Variants in KDM6A observed in about 807,000 individuals in gnomAD.
The protein encoded by KDM6A is lysine demethylase 6A, also known as lysine-specific demethylase 6A.
KDM6A carries 11 observed loss-of-function variants against 117.6 expected under a neutral mutation model. The ratio of observed to expected loss-of-function variants is 0.09; its 90% CI spans 0.06 to 0.15. The LOEUF (loss-of-function observed/expected upper bound fraction) is 0.15, where lower values mean the gene tolerates loss of function less well. Ranked by LOEUF, KDM6A falls within the 10% of genes least tolerant of loss-of-function variation. The pLI is 1.00. For missense variants in KDM6A, 799 were observed against 1,077.3 expected (o/e 0.74, Z 3.62); for synonymous variants, 384 against 396.1 (o/e 0.97, Z 0.36).
Position 44,873,377 on chromosome X carries a change from C to T in KDM6A, c.-175C>T. 1.4e-6 allele frequency: 1 copy of T among 702,980 alleles called. No homozygotes were observed. Among genetic ancestry groups the T allele is most frequent in the Non-Finnish European group, 2.1e-6 (1 of 487,672 alleles). 57.9% of individuals were successfully genotyped at this position (702,980 alleles called of 1,213,427 possible). A position where few individuals can be genotyped will look rare whatever the true frequency, so the allele number is the denominator to read the frequency against. ...GGGGGCTCCGCAGCCCCTGCCGCCG[C>T]CGCCGCCGCCTTCACCGCCGCCGCG... On this transcript the variant is annotated 5_prime_UTR_variant, in exon 1 of 30. Transcript: ENST00000611820.
chrX:44,992,459 C>A (rs192061380), intron 4 of KDM6A, among the ~76,000 whole-genome samples: 1 of 109,079 alleles, frequency 9.2e-6, no homozygotes, highest in East Asian at 2.9e-4. Context: ...CCCAGCCTCA[C>A]GTGATCTGCC....
intron 6 of KDM6A, among the ~76,000 whole-genome samples, chrX:45,033,572 T>A (rs889389424): frequency 9.0e-5 from 10 of 110,837 alleles, no homozygotes; most frequent in Non-Finnish European, 1.3e-4. Flanking sequence ...ATTTTATTTT[T>A]TTTGAGGTGG....
chrX:45,035,026 G>A (rs754378965), intron 7 of KDM6A, 41 bp downstream of exon 7: 20 of 967,595 alleles, frequency 2.1e-5, no homozygotes, highest in South Asian at 1.9e-5. Flanking sequence ...CATGTATTCC[G>A]ATCACTTCAT....
chrX:45,058,545 GTT>G (rs1430866710), intron 10 of KDM6A, among the ~76,000 whole-genome samples: 2 of 110,785 alleles, frequency 1.8e-5, no homozygotes, highest in African/African-American at 6.6e-5. Context: ...TGCCCTCAGT[GTT>G]GTTACTTGGG....
chrX:45,038,805 G>A (rs751193628), intron 8 of KDM6A, among the ~76,000 whole-genome samples: 6 of 111,268 alleles, frequency 5.4e-5, no homozygotes, highest in African/African-American at 2.0e-4. Flanking sequence ...TTAGGCAGTG[G>A]TATGGAAAAT....
intron 2 of KDM6A, 62 bp downstream of exon 2, chrX:44,874,049 G>A (rs1177061021): frequency 3.8e-6 from 4 of 1,065,279 alleles, no homozygotes; most frequent in Non-Finnish European, 5.2e-6. Context: ...CGCTCGCCCC[G>A]GGCCCCGCGG....
At chrX:45,038,254 G>C (rs1449628197) in intron 8 of KDM6A, among the ~76,000 whole-genome samples, 2 of 111,467 alleles carry the variant, frequency 1.8e-5, no homozygotes, top group Non-Finnish European at 3.8e-5. Flanking sequence ...ACTTGATGTA[G>C]ATCATTTGCA....
rs189563712 is a variant in KDM6A, at chrX:45,007,650, G to A, written c.385-3311G>A. Among the ~76,000 whole-genome samples, 604 of 112,116 alleles carry A rather than the reference G, an allele frequency of 5.4e-3. 9 individuals carry two copies. Among genetic ancestry groups the A allele is most frequent in the African/African-American group, 0.016 (498 of 30,807 alleles). On this transcript the variant is annotated intron_variant, in intron 4 of 29. Coordinates refer to ENST00000611820, the MANE Select transcript of KDM6A (RefSeq NM_001291415.2). ...TTGGGCATCTACTCTATGGAAGTGC[G>A]CCCTGTGCTAGGTGATAACAAGGAA...
At chrX:45,069,046 AT>A (rs1425947564) in intron 17 of KDM6A, among the ~76,000 whole-genome samples, 2 of 111,158 alleles carry the variant, frequency 1.8e-5, no homozygotes, top group Admixed American at 9.7e-5. Flanking sequence ...AACTTTAGGT[AT>A]TTTTTGAAAT....
chrX:45,091,551 A>G (rs1461854621), intron 27 of KDM6A, among the ~76,000 whole-genome samples: 1 of 111,953 alleles, frequency 8.9e-6, no homozygotes, highest in African/African-American at 3.2e-5. Flanking sequence ...ATGGGAAATG[A>G]TAGATTAAAG....
rs6529 is a variant in KDM6A at position 44,873,639 on chromosome X, G to A, written c.88G>A (p.Ala30Thr). Residue 30 changes from alanine (A) to threonine (T), a missense_variant, in exon 1 of 30, where the codon GCG becomes ACG. This residue lies in a region of KDM6A where 89 missense variants were observed against 117.8 expected (regional missense o/e 0.76). Coordinates refer to ENST00000611820, the MANE Select transcript of KDM6A (RefSeq NM_001291415.2). ...GGAAAAGAAAATGGCGGCGGGAAAA[G>A]CGAGCGGCGAGAGCGAGGAGGCGTC... is the stretch of plus-strand genomic sequence containing the variant. ...DEEKKMAAGKASGESEEASPS... is the reference protein window; with the variant it reads ...DEEKKMAAGKTSGESEEASPS... 3.3e-4 allele frequency: 397 copies of A among 1,193,516 alleles called. 1 individual carries two copies. The African/African-American group carries it at 6.5e-3, about 20-fold the overall frequency.
At chrX:44,990,553 C>CATACATAA (rs1556036473) in intron 4 of KDM6A, among the ~76,000 whole-genome samples, 1 of 93,833 alleles carries the variant, frequency 1.1e-5, no homozygotes, top group African/African-American at 4.0e-5. Flanking sequence ...TGTCTCAAAA[C>CATACATAA]ATAAATAAAT....
In KDM6A at chrX:45,061,310, T is replaced by C; in HGVS notation, c.1486-14T>C. ...AATATTCTTTAATTTTTTTTTTAAA[T>C]CGATTTTCCTCAGAATACTTCTGAC... is the stretch of plus-strand genomic sequence containing the variant. On this transcript the variant is annotated splice_polypyrimidine_tract_variant and intron_variant, in intron 14 of 29. Coordinates refer to ENST00000611820, the MANE Select transcript of KDM6A (RefSeq NM_001291415.2). 1 of 1,065,482 alleles carries C rather than the reference T, an allele frequency of 9.4e-7. No homozygotes were observed. Among genetic ancestry groups the C allele is most frequent in the South Asian group, 1.9e-5 (1 of 51,934 alleles). The allele number at this position is 1,065,482 out of a possible 1,213,427, so 87.8% of individuals were successfully genotyped here. A position where few individuals can be genotyped will look rare whatever the true frequency, so the allele number is the denominator to read the frequency against.
In KDM6A at chrX:45,043,797, A is replaced by G. The variant is rs944605617; in HGVS notation, c.654+6108A>G. Reference sequence around the variant, plus strand: ...TTTAAAGAAAAAAAAAATGATTCTCATAGGTTTCTATGTATATTGTCATAC... The same window carrying G: ...TTTAAAGAAAAAAAAAATGATTCTCGTAGGTTTCTATGTATATTGTCATAC... On this transcript the variant is annotated intron_variant, in intron 8 of 29. Transcript: ENST00000611820. 2.5e-3 allele frequency among the ~76,000 whole-genome samples: 277 copies of G among 111,649 alleles called. 2 individuals are homozygous for G. The highest frequency in any genetic ancestry group is 8.9e-3 in the African/African-American group (275 of 30,748).
chrX:45,068,561 TAAAA>T (rs779354016), intron 17 of KDM6A, among the ~76,000 whole-genome samples: 4 of 70,527 alleles, frequency 5.7e-5, no homozygotes, highest in Admixed American at 1.4e-4. Context: ...CCTTTTTTTT[TAAAA>T]AAAAAAAAAA....
In KDM6A at chrX:44,984,529, G is replaced by A. The variant is rs1304329038; in HGVS notation, c.384+9814G>A. On this transcript the variant is annotated intron_variant, in intron 4 of 29. Transcript: ENST00000611820. ...GGTATTGCCTAGGTTTTCTTCTAGG[G>A]TTTTTATGGTTTTAGGTCTAACATT... Among the ~76,000 whole-genome samples, 37 of 111,688 alleles carry A rather than the reference G, an allele frequency of 3.3e-4. 1 individual carries two copies. Among genetic ancestry groups the A allele is most frequent in the Non-Finnish European group, 6.0e-4 (32 of 53,140 alleles).
chrX:44,880,156 G>A (rs1216025442), intron 2 of KDM6A, among the ~76,000 whole-genome samples: 1 of 99,126 alleles, frequency 1.0e-5, no homozygotes, highest in East Asian at 3.0e-4. Flanking sequence ...CTGGGCGACA[G>A]AGCGAGACTT....
At chrX:45,079,424 A>G (rs2045287237) in intron 21 of KDM6A, 73 bp downstream of exon 21, 3 of 758,612 alleles carry the variant, frequency 4.0e-6, no homozygotes, top group African/African-American at 4.2e-5. Context: ...GAAAGGACAC[A>G]TTACTTTTAT....
At chrX:44,878,972 A>G (rs1028572720) in intron 2 of KDM6A, among the ~76,000 whole-genome samples, 3 of 111,106 alleles carry the variant, frequency 2.7e-5, no homozygotes, top group African/African-American at 9.8e-5. Context: ...TCAGCCCACC[A>G]TGGCCTCCTA....
Sources: allele counts gnomAD v4.1 joint callset (sites outside exome capture counted in the v4.1 genomes callset), GRCh38; gene constraint gnomAD v4.1.1; regional missense constraint gnomAD v4.1.1; transcripts MANE v1.5; gene names NCBI Gene and HGNC (gene_info 2026-07-23, HGNC 2026-07-21).